RHCG: variants seen among roughly 807,000 people sequenced by gnomAD.
The protein encoded by RHCG is Rh family C glycoprotein, also known as ammonium transporter Rh type C.
In RHCG, 39 loss-of-function variants were observed where a neutral mutation model predicts 55.3. The ratio of observed to expected loss-of-function variants is 0.70; its 90% CI spans 0.55 to 0.92. RHCG has a LOEUF of 0.92. Among genes scored for constraint, RHCG ranks in the 40% least tolerant of loss-of-function variants. The probability of loss-of-function intolerance (pLI) is 0.00; values close to 1 mark genes in which losing one functional copy is unlikely to be tolerated. For missense variants in RHCG, 635 were observed against 627.9 expected (o/e 1.01, Z -0.12); for synonymous variants, 250 against 246.8 (o/e 1.01, Z -0.12).
At chr15:89,488,698 A>G (rs1961417504) in intron 1 of RHCG, among the ~76,000 whole-genome samples, 1 of 152,090 alleles carries the variant, frequency 6.6e-6, no homozygotes, top group Non-Finnish European at 1.5e-5. Context: ...GTTCCAGATT[A>G]AAAGACATGA....
chr15:89,486,498 G>A (rs1259666751), intron 2 of RHCG: 1 of 487,674 alleles, frequency 2.1e-6, no homozygotes, highest in Non-Finnish European at 4.0e-6. Context: ...TCCTATGTAT[G>A]ACACTTGGAC....
intron 9 of RHCG, 114 bp from the exon 10 acceptor site, chr15:89,472,977 C>T: frequency 5.8e-6 from 7 of 1,215,050 alleles, no homozygotes; most frequent in Non-Finnish European, 7.7e-6. Context: ...CTTGTGATCG[C>T]CGTGCGGATC....
Position 89,477,591 on chromosome 15 carries a change from A to G in RHCG, c.1038T>C (p.Ile346=), listed in dbSNP as rs542158972. ...DTCGINNLHG[I]PGIIGGIVGA... ...CCACGATGCCGCCTATGATGCCAGG[A>G]ATGCCATGCAGATTGTTAATGCCAC... Residue 346 remains isoleucine (I), a synonymous_variant, in exon 7 of 11, where the codon ATT becomes ATC. Coordinates refer to ENST00000268122, the MANE Select transcript of RHCG (RefSeq NM_016321.3). This position sits in a 1 kb window ranked among gnomAD's most constrained non-coding sequence, Gnocchi z 4.5. 3.1e-4 allele frequency: 496 copies of G among 1,614,158 alleles called. 2 individuals carry two copies. In the South Asian group the frequency reaches 5.2e-3, roughly 17 times the overall value.
rs140341408 is a variant in RHCG at position 89,487,601 on chromosome 15, A to T, written c.185-616T>A. 2.0e-5 allele frequency among the ~76,000 whole-genome samples: 3 copies of T among 152,258 alleles called. No individual in the cohort carries two copies. The East Asian group carries it at 5.8e-4, about 29-fold the overall frequency. On this transcript the variant is annotated intron_variant, in intron 1 of 10. Coordinates refer to ENST00000268122, the MANE Select transcript of RHCG (RefSeq NM_016321.3). Reference sequence around the variant, plus strand: ...CATATCCCACCACTGACTCCAGCAGATACACATCCCCGCATCCCTGAGACT... The same window carrying T: ...CATATCCCACCACTGACTCCAGCAGTTACACATCCCCGCATCCCTGAGACT...
intron 2 of RHCG, chr15:89,486,597 A>AGAGAGAGT (rs1555461989): frequency 1.2e-5 from 4 of 327,174 alleles, no homozygotes; most frequent in Admixed American, 7.7e-5. Flanking sequence ...AGAGAGAGAG[A>AGAGAGAGT]GAGTGTGTGT....
chr15:89,494,370 C>T (rs760111566), intron 1 of RHCG, among the ~76,000 whole-genome samples: 4 of 152,192 alleles, frequency 2.6e-5, no homozygotes, highest in African/African-American at 4.8e-5. Flanking sequence ...TTTGCCAGGA[C>T]AGTCATGGCT....
chr15:89,473,084 G>T (rs1172434623), intron 9 of RHCG, among the ~76,000 whole-genome samples: 1 of 152,212 alleles, frequency 6.6e-6, no homozygotes, highest in Admixed American at 6.5e-5. Context: ...GCAAGGAGGA[G>T]ACAGTGTCCT....
At chr15:89,488,775 G>GT (rs201711443) in intron 1 of RHCG, among the ~76,000 whole-genome samples, 1 of 60,272 alleles carries the variant, frequency 1.7e-5, no homozygotes, top group African/African-American at 5.7e-5. Context: ...TGGGAGAATG[G>GT]GGGGGGGGGA....
intron 3 of RHCG, among the ~76,000 whole-genome samples, chr15:89,482,126 G>A (rs1286898802): frequency 2.6e-5 from 4 of 151,864 alleles, no homozygotes; most frequent in Admixed American, 1.3e-4. Flanking sequence ...TAGTAGAGAC[G>A]GGGTTTCTCC....
intron 4 of RHCG, 152 bp from the exon 5 acceptor site, chr15:89,479,640 C>T: frequency 1.5e-6 from 1 of 685,884 alleles, no homozygotes; most frequent in Non-Finnish European, 2.4e-6. Context: ...GGGGCTCTTC[C>T]TGGAAGGCCC....
At position 89,496,510 on chromosome 15, in the gene RHCG, G is replaced by C. The variant is rs375054718; in HGVS notation, c.35C>G (p.Pro12Arg). The C allele has an allele frequency of 1.9e-6, 3 of 1,612,904 alleles. No homozygotes were observed. Among genetic ancestry groups the C allele is most frequent in the Non-Finnish European group, 2.5e-6 (3 of 1,179,764 alleles). ...AWNTNLRWRL[P>R]LTCLLLQVIM... ...CACCTGCAGGAGCAGGCAGGTGAGC[G>C]GCAGCCGCCAGCGGAGGTTGGTGTT... is the stretch of plus-strand genomic sequence containing the variant. The change falls in exon 1 of 11, where the codon CCG (proline) becomes CGG (arginine). Residue 12 changes from proline (P) to arginine (R), a missense_variant. Physicochemically the swap from Pro to Arg is moderately radical, Grantham distance 103. Transcript: ENST00000268122.
rs530089776 is a variant in RHCG at position 89,488,924 on chromosome 15, G to T, written c.185-1939C>A. On this transcript the variant is annotated intron_variant, in intron 1 of 10. Coordinates refer to ENST00000268122, the MANE Select transcript of RHCG (RefSeq NM_016321.3). ...AGCTGATTACTATGGTTATGGAAGA[G>T]AATATCCCCCTTCTTAGGAAATATA... 7.2e-5 allele frequency among the ~76,000 whole-genome samples: 11 copies of T among 152,260 alleles called. No individual in the cohort carries two copies. In the South Asian group the frequency reaches 2.1e-3, roughly 29 times the overall value.
At chr15:89,491,944 A>G (rs1313632128) in intron 1 of RHCG, among the ~76,000 whole-genome samples, 2 of 152,212 alleles carry the variant, frequency 1.3e-5, no homozygotes, top group Non-Finnish European at 2.9e-5. Context: ...GCACACATGT[A>G]ATGGTATAAC....
At chr15:89,490,158 G>A (rs539495453) in intron 1 of RHCG, among the ~76,000 whole-genome samples, 35 of 152,342 alleles carry the variant, frequency 2.3e-4, no homozygotes, top group African/African-American at 7.7e-4. Context: ...ACAGGTTCTG[G>A]TGCCCACTGC....
chr15:89,479,319 C>T lies in RHCG; in HGVS notation c.837+3G>A, dbSNP rs766474755. ...GCCACACCCCCAACGCCCTCATGCT[C>T]ACCATGTCCAGCTTGCCCTTCTTGT... On this transcript the variant is annotated splice_donor_region_variant and intron_variant, in intron 5 of 10. Transcript: ENST00000268122. 8.1e-6 allele frequency: 13 copies of T among 1,612,032 alleles called. No individual in the cohort carries two copies. Among genetic ancestry groups the T allele is most frequent in the Middle Eastern group, 1.7e-4 (1 of 5,946 alleles).
In RHCG at chr15:89,496,517, G is replaced by T. The variant is rs199622503; in HGVS notation, c.28C>A (p.Arg10=). The change falls in exon 1 of 11, where the codon CGG becomes AGG. Residue 10 remains arginine, a synonymous_variant. Coordinates refer to ENST00000268122, the MANE Select transcript of RHCG (RefSeq NM_016321.3). ...AGGAGCAGGCAGGTGAGCGGCAGCC[G>T]CCAGCGGAGGTTGGTGTTCCAGGCC... MAWNTNLRW[R]LPLTCLLLQV... The T allele has an allele frequency of 3.3e-4, 532 of 1,612,976 alleles. 1 individual carries two copies. Among genetic ancestry groups the T allele is most frequent in the Non-Finnish European group, 3.3e-4 (389 of 1,179,842 alleles).
chr15:89,486,024 AAC>A (rs1719186884), intron 2 of RHCG, among the ~76,000 whole-genome samples: 1 of 152,054 alleles, frequency 6.6e-6, no homozygotes, highest in Non-Finnish European at 1.5e-5. Context: ...GTCACTGCAG[AAC>A]AGAGGGAGGG....
chr15:89,477,179 A>C lies in RHCG; in HGVS notation c.1140T>G (p.Gly380=). 6.2e-7 allele frequency: 1 copy of C among 1,613,820 alleles called. No individual in the cohort carries two copies. Among genetic ancestry groups the C allele is most frequent in the Non-Finnish European group, 8.5e-7 (1 of 1,179,972 alleles). The change falls in exon 8 of 11, where the codon GGT becomes GGG. Residue 380 remains glycine (G), a synonymous_variant. Coordinates refer to ENST00000268122, the MANE Select transcript of RHCG (RefSeq NM_016321.3). This position sits in a 1 kb window ranked among gnomAD's most constrained non-coding sequence, Gnocchi z 4.5. ...TTCTTGCGGTCCAGTCCCCGTTGAA[A>C]CCTTGAAAGTCAAAGGAATGGACAA... The part of the protein sequence containing the change: ...EGLVHSFDFQ[G]FNGDWTARTQ...
intron 2 of RHCG, 43 bp downstream of exon 2, chr15:89,486,756 C>T: frequency 1.3e-6 from 2 of 1,555,116 alleles, no homozygotes; most frequent in Non-Finnish European, 1.7e-6. Flanking sequence ...CCAGCCCCAT[C>T]CCTCCCAGTC....
Sources: allele counts gnomAD v4.1 joint callset (sites outside exome capture counted in the v4.1 genomes callset), GRCh38; gene constraint gnomAD v4.1.1; non-coding constraint Gnocchi (gnomAD v3.1); transcripts MANE v1.5; gene names NCBI Gene and HGNC (gene_info 2026-07-23, HGNC 2026-07-21).